TARBP1: variants seen among roughly 807,000 people sequenced by gnomAD.
TARBP1 encodes tRNA (guanosine(18)-2'-O)-methyltransferase TARBP1.
TARBP1 carries 144 observed loss-of-function variants against 178.6 expected under a neutral mutation model. The ratio of observed to expected loss-of-function variants is 0.81; its 90% CI spans 0.70 to 0.93. The LOEUF is 0.93. Ranked by LOEUF, TARBP1 falls within the 40% of genes least tolerant of loss-of-function variation. The pLI, the probability that TARBP1 is intolerant of heterozygous loss-of-function variation, is 0.00. For missense variants in TARBP1, 2,067 were observed against 2,011.7 expected (o/e 1.03, Z -0.53); for synonymous variants, 787 against 781.0 (o/e 1.01, Z -0.13).
chr1:234,460,500 C>T lies in TARBP1; in HGVS notation c.1400-104G>A, dbSNP rs1667742894. The T allele has an allele frequency of 4.3e-6, 5 of 1,173,860 alleles. No individual in the cohort carries two copies. In the East Asian group the frequency reaches 7.6e-5, roughly 18 times the overall value. The allele number at this position is 1,173,860 out of a possible 1,614,324, so 72.7% of individuals were successfully genotyped here. ...AATACAAGTCAAAACCATAGTAAGG[C>T]TCCACTTCCCACACACTATGATGGC... On this transcript the variant is annotated intron_variant, in intron 6 of 29. Transcript: ENST00000040877.
intron 22 of TARBP1, among the ~76,000 whole-genome samples, chr1:234,414,614 C>A (rs569249043): frequency 5.9e-5 from 9 of 152,254 alleles, no homozygotes; most frequent in African/African-American, 2.2e-4. Context: ...ACTCTTGACT[C>A]CTGCAACAGT....
chr1:234,467,397 T>C, intron 4 of TARBP1, 105 bp downstream of exon 4: 2 of 1,145,314 alleles, frequency 1.7e-6, no homozygotes, highest in Non-Finnish European at 2.4e-6. Context: ...TATGATTTGT[T>C]GGATGCAAAT....
At chr1:234,404,097 T>C (rs1460043764) in intron 24 of TARBP1, among the ~76,000 whole-genome samples, 4 of 152,238 alleles carry the variant, frequency 2.6e-5, no homozygotes, top group Admixed American at 1.3e-4. Context: ...CTGGAGCCAA[T>C]TGCTTTTAGA....
intron 10 of TARBP1, among the ~76,000 whole-genome samples, chr1:234,450,160 T>C (rs2208824): frequency 0.3 from 45,397 of 151,700 alleles, 6,937 homozygotes; most frequent in Admixed American, 0.4. Flanking sequence ...TAAATGACTT[T>C]GCATCCACTT....
At chr1:234,420,127 A>AAT (rs1572265035) in intron 21 of TARBP1, among the ~76,000 whole-genome samples, 1 of 152,212 alleles carries the variant, frequency 6.6e-6, no homozygotes, top group East Asian at 1.9e-4. Flanking sequence ...TGGTTAGAAA[A>AAT]ATCAGATCGT....
intron 24 of TARBP1, among the ~76,000 whole-genome samples, chr1:234,401,945 T>C (rs1055812524): frequency 6.6e-6 from 1 of 152,144 alleles, no homozygotes; most frequent in African/African-American, 2.4e-5. Flanking sequence ...TCTCCTTCAC[T>C]GTCAAGAGTC....
At chr1:234,394,765 T>G (rs1659748564) in intron 26 of TARBP1, among the ~76,000 whole-genome samples, 1 of 152,162 alleles carries the variant, frequency 6.6e-6, no homozygotes, top group South Asian at 2.1e-4. Context: ...GGGAGATGGC[T>G]CAAACCAAAG....
intron 7 of TARBP1, 113 bp from the exon 8 acceptor site, chr1:234,459,439 G>A (rs1667619073): frequency 2.6e-6 from 2 of 767,606 alleles, no homozygotes; most frequent in African/African-American, 3.5e-5. Flanking sequence ...CAGAAAGTCT[G>A]CAGAATTTCA....
Position 234,427,724 on chromosome 1 carries a change from C to T in TARBP1, c.3103G>A (p.Val1035Ile). 5 of 1,502,968 alleles carry T rather than the reference C, an allele frequency of 3.3e-6. No individual in the cohort carries two copies. The highest frequency in any genetic ancestry group is 3.5e-6 in the Non-Finnish European group (4 of 1,132,406). The allele number at this position is 1,502,968 out of a possible 1,614,324, so 93.1% of individuals were successfully genotyped here. The change falls in exon 18 of 30, where the codon GTC becomes ATC. Residue 1035 changes from valine to isoleucine, a missense_variant. Physicochemically the swap from Val to Ile is conservative, Grantham distance 29. Transcript: ENST00000040877. ...CAGTAACTTATCAGTGTATTGAAGA[C>T]TCCAGTCTTTATAGCAGACATTTCA... ...IIEMSAIKTG[V>I]FNTLISYCCQ... is the part of the protein sequence containing the mutation.
chr1:234,452,885 A>AGC (rs879537688), intron 9 of TARBP1, among the ~76,000 whole-genome samples: 53 of 152,204 alleles, frequency 3.5e-4, no homozygotes, highest in Admixed American at 1.0e-3. Flanking sequence ...ACTAAAAAAA[A>AGC]AAAAATGAGC....
intron 3 of TARBP1, among the ~76,000 whole-genome samples, chr1:234,470,328 T>C (rs2103299807): frequency 6.6e-6 from 1 of 152,254 alleles, no homozygotes; most frequent in South Asian, 2.1e-4. Flanking sequence ...ATTGAAACCC[T>C]ATCGACGAGT....
chr1:234,452,615 T>C (rs1666893167), intron 9 of TARBP1, among the ~76,000 whole-genome samples: 1 of 152,156 alleles, frequency 6.6e-6, no homozygotes, highest in African/African-American at 2.4e-5. Context: ...TCTTTGCTGG[T>C]AGGAATGCAA....
chr1:234,393,978 G>C lies in TARBP1; in HGVS notation c.4244-141C>G. On this transcript the variant is annotated intron_variant, in intron 26 of 29. Coordinates refer to ENST00000040877, the MANE Select transcript of TARBP1 (RefSeq NM_005646.4). ...AGAATGAGACTTAACAAAGCATTAA[G>C]TAAAAAACTTTAGTTGGATTCAGAC... 5 of 719,984 alleles carry C rather than the reference G, an allele frequency of 6.9e-6. No individual in the cohort carries two copies. The South Asian group carries it at 1.9e-4, about 28-fold the overall frequency. 44.6% of individuals were successfully genotyped at this position (719,984 alleles called of 1,614,324 possible).
In TARBP1 at chr1:234,425,603, G is replaced by C. The variant is rs1196137450; in HGVS notation, c.3444+70C>G. ...AAGATATTTAGAAGTACATATTCTA[G>C]CAACATAAAGAGCAAATGTTGACCT... On this transcript the variant is annotated intron_variant, in intron 20 of 29. Transcript: ENST00000040877. 4.2e-6 allele frequency: 6 copies of C among 1,439,176 alleles called. No homozygotes were observed. In the East Asian group the frequency reaches 1.4e-4, roughly 33 times the overall value. 89.2% of individuals were successfully genotyped at this position (1,439,176 alleles called of 1,614,324 possible).
In TARBP1 at chr1:234,427,643, C is replaced by T; in HGVS notation, c.3184G>A (p.Ala1062Thr). ...AGGATAAGTTCGCTATAATTTTTAG[C>T]ACTTGATAAAGATCCTTGGGACACA... ...SNVSQGSLSSAKNYSELILEA... is the reference protein window; with the variant it reads ...SNVSQGSLSSTKNYSELILEA... The change falls in exon 18 of 30, where the codon GCT (alanine) becomes ACT (threonine). Residue 1062 changes from alanine (A) to threonine (T), a missense_variant. Transcript: ENST00000040877. 1 of 1,598,296 alleles carries T rather than the reference C, an allele frequency of 6.3e-7. No homozygotes were observed.
In TARBP1 at chr1:234,433,436, G is replaced by A; in HGVS notation, c.2368C>T (p.His790Tyr). ...ISLLKNASIQ[H>Y]LQEMDSGQEP... ...TGTCCACTGTCCATCTCTTGAAGATGCTGAATGGATGCATTTTTCAAAAGA... is the reference window on the plus strand; with the variant it reads ...TGTCCACTGTCCATCTCTTGAAGATACTGAATGGATGCATTTTTCAAAAGA... Residue 790 changes from histidine to tyrosine, a missense_variant, in exon 14 of 30, where the codon CAT becomes TAT. His to Tyr is a moderately conservative substitution (Grantham distance 83). Coordinates refer to ENST00000040877, the MANE Select transcript of TARBP1 (RefSeq NM_005646.4). 1.9e-6 allele frequency: 3 copies of A among 1,613,976 alleles called. No individual in the cohort carries two copies. The highest frequency in any genetic ancestry group is 1.7e-6 in the Non-Finnish European group (2 of 1,179,998).
At chr1:234,421,179 C>T (rs944749523) in intron 20 of TARBP1, among the ~76,000 whole-genome samples, 5 of 152,254 alleles carry the variant, frequency 3.3e-5, no homozygotes, top group Middle Eastern at 6.8e-3. Context: ...ACCTCCGCCT[C>T]CCGGGTTCTA....
intron 3 of TARBP1, among the ~76,000 whole-genome samples, chr1:234,469,424 T>C (rs1668825857): frequency 6.6e-6 from 1 of 152,140 alleles, no homozygotes; most frequent in African/African-American, 2.4e-5. Context: ...CAAAATGTGG[T>C]AATAAGAGCA....
chr1:234,475,802 C>T (rs1464726174), intron 1 of TARBP1, among the ~76,000 whole-genome samples: 2 of 152,258 alleles, frequency 1.3e-5, no homozygotes. Context: ...ATCGGTGGCA[C>T]AGGCCTCCCA....
Sources: allele counts gnomAD v4.1 joint callset (sites outside exome capture counted in the v4.1 genomes callset), GRCh38; gene constraint gnomAD v4.1.1; transcripts MANE v1.5; gene names NCBI Gene and HGNC (gene_info 2026-07-23, HGNC 2026-07-21).